CCNF: variants seen among roughly 807,000 people sequenced by gnomAD.
CCNF encodes cyclin-F.
CCNF carries 30 observed loss-of-function variants against 85.4 expected under a neutral mutation model. That is an observed-to-expected ratio of 0.35 (90% CI 0.26 to 0.48). The LOEUF is 0.48. Among genes scored for constraint, CCNF ranks in the 20% least tolerant of loss-of-function variants. CCNF has a pLI of 0.99. For missense variants in CCNF, 919 were observed against 1,010.4 expected (o/e 0.91, Z 1.23); for synonymous variants, 439 against 425.1 (o/e 1.03, Z -0.40).
intron 2 of CCNF, among the ~76,000 whole-genome samples, chr16:2,431,597 T>C (rs1431644779): frequency 6.7e-6 from 1 of 149,122 alleles, no homozygotes; most frequent in Non-Finnish European, 1.5e-5. Flanking sequence ...GGAAAATTGC[T>C]TGAACCTGGG....
In CCNF at chr16:2,449,928, C is replaced by G. The variant is rs768281680; in HGVS notation, c.1487+13C>G. 1 of 1,593,900 alleles carries G rather than the reference C, an allele frequency of 6.3e-7. No individual in the cohort carries two copies. The highest frequency in any genetic ancestry group is 8.6e-7 in the Non-Finnish European group (1 of 1,161,754). On this transcript the variant is annotated intron_variant, in intron 13 of 16. Transcript: ENST00000397066. ...TCCATAAGAAGTGGTGAGTTTTGGCCGGGCGCAGAGGCTCATGCCTGTAAC... is the reference window on the plus strand; with the variant it reads ...TCCATAAGAAGTGGTGAGTTTTGGCGGGGCGCAGAGGCTCATGCCTGTAAC...
At chr16:2,439,124 C>A (rs960230494) in intron 6 of CCNF, among the ~76,000 whole-genome samples, 2 of 150,054 alleles carry the variant, frequency 1.3e-5, no homozygotes, top group African/African-American at 4.9e-5. Context: ...ATGGTGAAAC[C>A]CCGTCTCTAC....
intron 3 of CCNF, among the ~76,000 whole-genome samples, chr16:2,434,888 C>T (rs992354962): frequency 4.6e-5 from 7 of 152,180 alleles, no homozygotes; most frequent in Admixed American, 2.0e-4. Flanking sequence ...GCTTCTTTCA[C>T]GGACCCTGAT....
Position 2,435,682 on chromosome 16 carries a change from T to C in CCNF, c.279-124T>C, listed in dbSNP as rs201996443. The C allele has an allele frequency of 4.2e-4, 15 of 35,326 alleles. 1 individual carries two copies. The highest frequency in any genetic ancestry group is 7.4e-4 in the Non-Finnish European group (15 of 20,246). 2.2% of individuals were successfully genotyped at this position (35,326 alleles called of 1,614,324 possible). ...ACACACACACATATATATATATATA[T>C]ATATATATATATATATATATATTCA... On this transcript the variant is annotated intron_variant, in intron 3 of 16. Coordinates refer to ENST00000397066, the MANE Select transcript of CCNF (RefSeq NM_001761.3).
At chr16:2,455,591 A>G (rs755345423) in intron 16 of CCNF, 27 bp downstream of exon 16, 1 of 1,574,988 alleles carries the variant, frequency 6.3e-7, no homozygotes, top group Non-Finnish European at 8.7e-7. Flanking sequence ...GGTGCACCAG[A>G]AGGGACATCA....
At chr16:2,442,240 T>C (rs2065327456) in intron 8 of CCNF, among the ~76,000 whole-genome samples, 1 of 138,404 alleles carries the variant, frequency 7.2e-6, no homozygotes, top group African/African-American at 2.7e-5. Flanking sequence ...ATCTCCTGAC[T>C]TCGTGATCTG....
chr16:2,431,142 G>A lies in CCNF; in HGVS notation c.29G>A (p.Arg10Lys), dbSNP rs1458095752. The A allele has an allele frequency of 6.8e-6, 11 of 1,613,908 alleles. No homozygotes were observed. The highest frequency in any genetic ancestry group is 3.3e-4 in the Middle Eastern group (2 of 6,062). ...TTTTTTCCTTCAGTGGTCCACTGTA[G>A]GTGTGCCAAGTGTTTCTGTTATCCT... MGSGGVVHC[R>K]CAKCFCYPTK... is the part of the protein sequence containing the mutation. Residue 10 changes from arginine to lysine, a missense_variant, in exon 2 of 17, where the codon AGG becomes AAG. Arg to Lys is a conservative substitution (Grantham distance 26). This residue lies in a region of CCNF where 410 missense variants were observed against 478.6 expected (regional missense o/e 0.86). Transcript: ENST00000397066.
At chr16:2,433,743 G>A (rs150595466) in intron 3 of CCNF, among the ~76,000 whole-genome samples, 1,813 of 152,200 alleles carry the variant, frequency 0.012, 17 homozygotes, top group Non-Finnish European at 0.018. Flanking sequence ...GCGCTACCAC[G>A]CCCATCTAAT....
Position 2,433,056 on chromosome 16 carries a change from G to C in CCNF, c.267G>C (p.Lys89Asn). 1.2e-6 allele frequency: 2 copies of C among 1,607,648 alleles called. No individual in the cohort carries two copies. Among genetic ancestry groups the C allele is most frequent in the Non-Finnish European group, 1.7e-6 (2 of 1,175,118 alleles). The change falls in exon 3 of 17, where the codon AAG (lysine) becomes AAC (asparagine). Residue 89 changes from lysine (K) to asparagine (N), a missense_variant. This residue lies in a region of CCNF where 410 missense variants were observed against 478.6 expected (regional missense o/e 0.86). Transcript: ENST00000397066. ...TGTGGCCGTCTCCAGGGAACCTGAA[G>C]CTCTTTGAAAGGTATCTCTGCACCC... ...QELWPSPGNLKLFERAAEKGN... is the reference protein window; with the variant it reads ...QELWPSPGNLNLFERAAEKGN...
At chr16:2,433,456 T>TGCACCCC (rs1051844123) in intron 3 of CCNF, among the ~76,000 whole-genome samples, 12 of 152,174 alleles carry the variant, frequency 7.9e-5, no homozygotes, top group Non-Finnish European at 1.8e-4. Context: ...CACCCCAACC[T>TGCACCCC]GCACCCCGCA....
intron 8 of CCNF, among the ~76,000 whole-genome samples, chr16:2,443,445 C>G (rs1233733618): frequency 4.6e-5 from 7 of 151,940 alleles, no homozygotes; most frequent in Non-Finnish European, 2.9e-5. Context: ...CATTATATAT[C>G]TTTTCTCATG....
At position 2,457,107 on chromosome 16, in the gene CCNF, C is replaced by A; in HGVS notation, c.*87C>A. ...GCATAGCATAGGAACGCTGCATAGA[C>A]CATGGAGGCCTTTGCGCAGAGAGCA... On this transcript the variant is annotated 3_prime_UTR_variant, in exon 17 of 17. Coordinates refer to ENST00000397066, the MANE Select transcript of CCNF (RefSeq NM_001761.3). The A allele has an allele frequency of 1.0e-6, 1 of 975,076 alleles. No homozygotes were observed. The highest frequency in any genetic ancestry group is 1.5e-6 in the Non-Finnish European group (1 of 665,442). 60.4% of individuals were successfully genotyped at this position (975,076 alleles called of 1,614,324 possible).
chr16:2,444,301 CTTTT>C (rs764089161), intron 9 of CCNF, among the ~76,000 whole-genome samples: 1 of 139,144 alleles, frequency 7.2e-6, no homozygotes, highest in Non-Finnish European at 1.6e-5. Flanking sequence ...TCTTCAGTTA[CTTTT>C]TTTTTTTTTT....
At chr16:2,442,069 A>C (rs907568786) in intron 8 of CCNF, among the ~76,000 whole-genome samples, 1 of 142,840 alleles carries the variant, frequency 7.0e-6, no homozygotes, top group Non-Finnish European at 1.5e-5. Flanking sequence ...GCAGTGGCAC[A>C]ATCTCGGCTC....
intron 1 of CCNF, among the ~76,000 whole-genome samples, chr16:2,429,952 T>G (rs1436357068): frequency 6.6e-6 from 1 of 152,118 alleles, no homozygotes; most frequent in Non-Finnish European, 1.5e-5. Context: ...GAAAGCAGCG[T>G]TCGGCCCCGC....
chr16:2,442,428 T>TATAA (rs1173374434), intron 8 of CCNF, among the ~76,000 whole-genome samples: 1 of 9,074 alleles, frequency 1.1e-4, no homozygotes, highest in Non-Finnish European at 1.5e-4. Context: ...TAATATAATA[T>TATAA]TATTATATAT....
At chr16:2,445,665 T>C (rs2141824635) in intron 10 of CCNF, 43 bp downstream of exon 10, 12 of 1,583,112 alleles carry the variant, frequency 7.6e-6, no homozygotes, top group Non-Finnish European at 1.0e-5. Context: ...CGTGCTGGCC[T>C]TTCCCGGGTT....
chr16:2,443,646 C>T lies in CCNF; in HGVS notation c.778-3C>T, dbSNP rs867407362. On this transcript the variant is annotated splice_region_variant and splice_polypyrimidine_tract_variant and intron_variant, in intron 8 of 16. Coordinates refer to ENST00000397066, the MANE Select transcript of CCNF (RefSeq NM_001761.3). ...ACGCTCATGTTTGTCTTTTCTTCCT[C>T]AGCTGTCTTTAGCCAAAGCCTGTGC... The T allele has an allele frequency of 6.2e-7, 1 of 1,612,328 alleles. No individual in the cohort carries two copies. The highest frequency in any genetic ancestry group is 1.1e-5 in the South Asian group (1 of 91,030).
At chr16:2,449,796 C>CCCACCAAA in intron 12 of CCNF, 32 bp from the exon 13 acceptor site, 1 of 682,280 alleles carries the variant, frequency 1.5e-6, no homozygotes, top group Non-Finnish European at 2.5e-6. Flanking sequence ...TCCCCTCCAT[C>CCCACCAAA]CCCTCCACCC....
Sources: gnomAD v4.1 joint callset for allele counts (sites outside exome capture counted in the v4.1 genomes callset) on GRCh38, gnomAD v4.1.1 for gene constraint, gnomAD v4.1.1 regional missense constraint, MANE v1.5 for transcripts, NCBI Gene and HGNC (gene_info 2026-07-23, HGNC 2026-07-21) for gene names.